Variants in CCDC6 observed in about 807,000 individuals in gnomAD.
CCDC6 encodes the protein coiled-coil domain-containing protein 6.
In CCDC6, 20 loss-of-function variants were observed where a neutral mutation model predicts 56.6. The ratio of observed to expected loss-of-function variants is 0.35; its 90% CI spans 0.25 to 0.51. The LOEUF (loss-of-function observed/expected upper bound fraction) is 0.51, where lower values mean the gene tolerates loss of function less well. Among genes scored for constraint, CCDC6 ranks in the 20% least tolerant of loss-of-function variants. The pLI is 0.95. For synonymous variants in CCDC6, 241 were observed against 234.4 expected (o/e 1.03, Z -0.26); for missense variants, 367 against 601.1 (o/e 0.61, Z 4.07).
intron 5 of CCDC6, among the ~76,000 whole-genome samples, chr10:59,812,015 C>A: frequency 6.9e-6 from 1 of 144,230 alleles, no homozygotes. Context: ...TTTTTCACTG[C>A]ATACCTTTCA....
chr10:59,853,483 G>A (rs771934135), intron 1 of CCDC6, among the ~76,000 whole-genome samples: 4 of 152,052 alleles, frequency 2.6e-5, no homozygotes, highest in East Asian at 1.9e-4. Context: ...GCAGTGAGCC[G>A]AGATCATGCC....
intron 3 of CCDC6, among the ~76,000 whole-genome samples, chr10:59,823,701 A>G (rs1409507961): frequency 6.6e-6 from 1 of 152,072 alleles, no homozygotes; most frequent in Non-Finnish European, 1.5e-5. Flanking sequence ...TTGATAAATC[A>G]TTTCTTTCTT....
chr10:59,792,945 T>A lies in CCDC6; in HGVS notation c.1397A>T (p.His466Leu). The change falls in exon 9 of 9, where the codon CAT (histidine) becomes CTT (leucine). Residue 466 changes from histidine (H) to leucine (L), a missense_variant. Transcript: ENST00000263102. Reference sequence around the variant, plus strand: ...AGGCTGGGAGGAGGGGTGCGCCGAATGTTGCGAAGGAGTAGGCTGCGAGGT... The same window carrying A: ...AGGCTGGGAGGAGGGGTGCGCCGAAAGTTGCGAAGGAGTAGGCTGCGAGGT... ...AATSQPTPSQ[H>L]SAHPSSQP is the part of the protein sequence containing the mutation. 6.2e-7 allele frequency: 1 copy of A among 1,611,094 alleles called. No homozygotes were observed. The highest frequency in any genetic ancestry group is 8.5e-7 in the Non-Finnish European group (1 of 1,178,412).
intron 3 of CCDC6, among the ~76,000 whole-genome samples, chr10:59,818,609 A>G (rs2070728602): frequency 6.6e-6 from 1 of 151,412 alleles, no homozygotes; most frequent in Non-Finnish European, 1.5e-5. Context: ...CATGTCCCAA[A>G]GATGTGCAAT....
At chr10:59,895,532 G>T (rs2132685287) in intron 1 of CCDC6, among the ~76,000 whole-genome samples, 2 of 152,266 alleles carry the variant, frequency 1.3e-5, no homozygotes, top group South Asian at 4.1e-4. Flanking sequence ...TTAAATGAGA[G>T]GATATACGCA....
At chr10:59,807,204 G>T in intron 5 of CCDC6, 126 bp from the exon 6 acceptor site, 1 of 816,816 alleles carries the variant, frequency 1.2e-6, no homozygotes, top group South Asian at 1.8e-5. Flanking sequence ...GGTCTTTCTG[G>T]TCGGGTATGG....
At chr10:59,885,609 C>T (rs2071376893) in intron 1 of CCDC6, among the ~76,000 whole-genome samples, 1 of 152,214 alleles carries the variant, frequency 6.6e-6, no homozygotes, top group Non-Finnish European at 1.5e-5. Context: ...CCCGATCTCA[C>T]TCTGACCACA....
intron 1 of CCDC6, among the ~76,000 whole-genome samples, chr10:59,863,735 T>C (rs986642485): frequency 2.6e-5 from 4 of 152,224 alleles, no homozygotes; most frequent in African/African-American, 9.7e-5. Context: ...TGCACGCTTT[T>C]CATATATCAG....
intron 1 of CCDC6, among the ~76,000 whole-genome samples, chr10:59,891,032 T>C (rs2071418937): frequency 6.6e-6 from 1 of 152,160 alleles, no homozygotes. Flanking sequence ...TAAACACAGG[T>C]CCTCTAGGTT....
chr10:59,849,868 G>T (rs1041739822), intron 2 of CCDC6, among the ~76,000 whole-genome samples: 1 of 152,148 alleles, frequency 6.6e-6, no homozygotes, highest in Non-Finnish European at 1.5e-5. Flanking sequence ...ATGGAAAACA[G>T]TATTTCCATG....
intron 2 of CCDC6, among the ~76,000 whole-genome samples, chr10:59,834,883 G>A (rs1182951563): frequency 2.0e-5 from 3 of 152,222 alleles, no homozygotes; most frequent in Non-Finnish European, 4.4e-5. Context: ...AACAAGCATC[G>A]CTTAGGAGGA....
chr10:59,828,504 G>A (rs1298821598), intron 3 of CCDC6, among the ~76,000 whole-genome samples: 4 of 152,198 alleles, frequency 2.6e-5, no homozygotes, highest in Non-Finnish European at 5.9e-5. Context: ...AAGCAGTAGA[G>A]TTCTTTGAAG....
intron 7 of CCDC6, among the ~76,000 whole-genome samples, chr10:59,798,586 A>G (rs2070544119): frequency 6.6e-6 from 1 of 152,258 alleles, no homozygotes; most frequent in Admixed American, 6.5e-5. Flanking sequence ...TGGAATCACA[A>G]GAACTTTACT....
In CCDC6 at chr10:59,846,501, T is replaced by C. The variant is rs535123923; in HGVS notation, c.453+6052A>G. ...CTATTTTAGTTCCAGGAAGCATTCT[T>C]ACCTCAGGAGCCAAGTCAATAATAA... On this transcript the variant is annotated intron_variant, in intron 2 of 8. Transcript: ENST00000263102. Among the ~76,000 whole-genome samples the C allele has an allele frequency of 2.0e-3, 297 of 152,292 alleles. 2 individuals carry two copies. The highest frequency in any genetic ancestry group is 6.9e-3 in the African/African-American group (285 of 41,562).
intron 1 of CCDC6, among the ~76,000 whole-genome samples, chr10:59,865,688 C>A (rs1219904047): frequency 6.6e-6 from 1 of 151,666 alleles, no homozygotes; most frequent in Non-Finnish European, 1.5e-5. Flanking sequence ...TCTGTCTCTA[C>A]TAAAAATACA....
intron 3 of CCDC6, among the ~76,000 whole-genome samples, chr10:59,827,313 G>A (rs946416740): frequency 6.6e-6 from 1 of 152,174 alleles, no homozygotes; most frequent in African/African-American, 2.4e-5. Flanking sequence ...TCAGTGCAAA[G>A]CATGTAAGTA....
At chr10:59,815,654 A>G (rs572982974) in intron 3 of CCDC6, among the ~76,000 whole-genome samples, 1 of 152,340 alleles carries the variant, frequency 6.6e-6, no homozygotes, top group South Asian at 2.1e-4. Flanking sequence ...CATGTATTCT[A>G]TCATTCTCCG....
intron 1 of CCDC6, among the ~76,000 whole-genome samples, chr10:59,903,313 T>A (rs1163904891): frequency 6.6e-6 from 1 of 152,168 alleles, no homozygotes; most frequent in Non-Finnish European, 1.5e-5. Context: ...TGTATCAACG[T>A]AGGTTCACTG....
At chr10:59,844,659 A>G (rs974844361) in intron 2 of CCDC6, among the ~76,000 whole-genome samples, 4 of 105,620 alleles carry the variant, frequency 3.8e-5, no homozygotes, top group African/African-American at 5.7e-5. Flanking sequence ...AGGCTGAGGC[A>G]TGAGAATCAC....
Sources: allele counts gnomAD v4.1 joint callset (sites outside exome capture counted in the v4.1 genomes callset), GRCh38; gene constraint gnomAD v4.1.1; transcripts MANE v1.5; gene names NCBI Gene and HGNC (gene_info 2026-07-23, HGNC 2026-07-21).